The following KITLG variants were observed in gnomAD, a reference collection of about 807,000 sequenced individuals.
The protein encoded by KITLG is c-Kit ligand.
Under a neutral mutation model 34.1 loss-of-function variants are expected in KITLG, and 13 were observed. The observed-to-expected ratio is 0.38, with a 90% CI of 0.25 to 0.61. The LOEUF (loss-of-function observed/expected upper bound fraction) is 0.61. Ranked by LOEUF, KITLG falls within the 20% of genes least tolerant of loss-of-function variation. The probability of loss-of-function intolerance (pLI) is 0.60; values close to 1 mark genes in which losing one functional copy is unlikely to be tolerated. For synonymous variants in KITLG, 110 were observed against 104.0 expected (o/e 1.06, Z -0.35); for missense variants, 292 against 318.9 (o/e 0.92, Z 0.64).
chr12:88,517,079 G>A (rs2120836971), intron 4 of KITLG, among the ~76,000 whole-genome samples: 1 of 151,850 alleles, frequency 6.6e-6, no homozygotes, highest in African/African-American at 2.4e-5. Context: ...ATATAAAAAA[G>A]TTTTTTTGCA....
intron 1 of KITLG, among the ~76,000 whole-genome samples, chr12:88,546,786 C>T (rs1429578404): frequency 3.9e-5 from 6 of 152,150 alleles, no homozygotes; most frequent in Admixed American, 2.0e-4. Context: ...ACAGGAACAA[C>T]GCCAGTCACT....
intron 3 of KITLG, among the ~76,000 whole-genome samples, chr12:88,528,863 A>T (rs1289689692): frequency 6.6e-6 from 1 of 152,224 alleles, no homozygotes; most frequent in Admixed American, 6.6e-5. Context: ...ATTATTTGCA[A>T]ATAAAAAACT....
chr12:88,560,103 GTGA>G (rs775728230), intron 1 of KITLG, among the ~76,000 whole-genome samples: 24 of 152,180 alleles, frequency 1.6e-4, no homozygotes, highest in African/African-American at 4.6e-4. Flanking sequence ...CAGTTTTCTT[GTGA>G]TGATAACATG....
At chr12:88,521,704 A>G (rs1869671107) in intron 3 of KITLG, among the ~76,000 whole-genome samples, 1 of 152,192 alleles carries the variant, frequency 6.6e-6, no homozygotes, top group African/African-American at 2.4e-5. Flanking sequence ...ATGTAATTTG[A>G]TGCTTTATTC....
chr12:88,555,061 A>G (rs1262722040), intron 1 of KITLG, among the ~76,000 whole-genome samples: 3 of 152,294 alleles, frequency 2.0e-5, no homozygotes, highest in Non-Finnish European at 2.9e-5. Flanking sequence ...TATGTAATGA[A>G]TATGCTCTTA....
At chr12:88,563,489 T>G (rs529136082) in intron 1 of KITLG, among the ~76,000 whole-genome samples, 1 of 152,134 alleles carries the variant, frequency 6.6e-6, no homozygotes, top group Non-Finnish European at 1.5e-5. Context: ...CATGAGCTGA[T>G]TCAATGACAC....
chr12:88,503,021 T>A (rs1200185686), intron 9 of KITLG, among the ~76,000 whole-genome samples: 1 of 152,048 alleles, frequency 6.6e-6, no homozygotes, highest in African/African-American at 2.4e-5. Context: ...ATAAAAAGTG[T>A]CAAGCAAACG....
intron 1 of KITLG, among the ~76,000 whole-genome samples, chr12:88,573,753 T>TG (rs1412413214): frequency 1.3e-5 from 2 of 152,226 alleles, no homozygotes; most frequent in Non-Finnish European, 2.9e-5. Flanking sequence ...AATTATGCAG[T>TG]GGGGATGCCC....
At chr12:88,520,643 T>C (rs1274134908) in intron 3 of KITLG, among the ~76,000 whole-genome samples, 1 of 152,186 alleles carries the variant, frequency 6.6e-6, no homozygotes, top group Non-Finnish European at 1.5e-5. Context: ...GTTTCTGTGG[T>C]AGTTGTCTTA....
chr12:88,557,602 T>C (rs2120943114), intron 1 of KITLG, among the ~76,000 whole-genome samples: 1 of 152,218 alleles, frequency 6.6e-6, no homozygotes, highest in South Asian at 2.1e-4. Flanking sequence ...AACTATCACG[T>C]CTGGAAAACT....
chr12:88,550,332 T>C (rs1376027090), intron 1 of KITLG, among the ~76,000 whole-genome samples: 1 of 152,088 alleles, frequency 6.6e-6, no homozygotes, highest in Admixed American at 6.5e-5. Flanking sequence ...CAATTGGCAA[T>C]ATAGGTCAGA....
chr12:88,534,615 C>T (rs972768526), intron 2 of KITLG: 1 of 478,786 alleles, frequency 2.1e-6, no homozygotes, highest in East Asian at 6.0e-5. Context: ...GATCTGCCTG[C>T]CTTGGCCTCC....
At chr12:88,553,664 A>G (rs1773720940) in intron 1 of KITLG, among the ~76,000 whole-genome samples, 1 of 152,144 alleles carries the variant, frequency 6.6e-6, no homozygotes, top group African/African-American at 2.4e-5. Context: ...CCCCCACAAC[A>G]CACAAAATTC....
intron 1 of KITLG, among the ~76,000 whole-genome samples, chr12:88,564,572 CCA>C (rs1871385925): frequency 1.3e-5 from 2 of 152,092 alleles, no homozygotes; most frequent in South Asian, 2.1e-4. Flanking sequence ...TCATTGCTCA[CCA>C]TTTGTGTGTT....
chr12:88,535,483 G>A (rs370994271), intron 2 of KITLG, among the ~76,000 whole-genome samples: 7 of 152,254 alleles, frequency 4.6e-5, no homozygotes, highest in Admixed American at 4.6e-4. Flanking sequence ...GTATCCCCAA[G>A]GTACACGCAT....
intron 1 of KITLG, among the ~76,000 whole-genome samples, chr12:88,552,319 T>G (rs1474658063): frequency 6.6e-6 from 1 of 151,522 alleles, no homozygotes; most frequent in Non-Finnish European, 1.5e-5. Context: ...GGATTATAGG[T>G]GCCTGCCACC....
chr12:88,580,128 C>T (rs1203067885), intron 1 of KITLG, 136 bp downstream of exon 1: 1 of 943,982 alleles, frequency 1.1e-6, no homozygotes, highest in South Asian at 1.4e-5. Context: ...CGGCCTCCCC[C>T]GCATCCTCTT....
In KITLG at chr12:88,560,964, T is replaced by C. The variant is rs543828645; in HGVS notation, c.16-15099A>G. Among the ~76,000 whole-genome samples the C allele has an allele frequency of 3.5e-4, 26 of 73,746 alleles. 1 individual carries two copies. In the South Asian group the frequency reaches 0.016, roughly 45 times the overall value. 48.4% of individuals were successfully genotyped at this position (73,746 alleles called of 152,430 possible). A position where few individuals can be genotyped will look rare whatever the true frequency, so the allele number is the denominator to read the frequency against. ...GCCTGGGTAACAAAGCGAGACTCTG[T>C]CTCAAAAAAAAAAAAAAAAAAAAAA... On this transcript the variant is annotated intron_variant, in intron 1 of 9. Coordinates refer to ENST00000644744, the MANE Select transcript of KITLG (RefSeq NM_000899.5).
At chr12:88,557,670 ACT>A (rs1436439365) in intron 1 of KITLG, among the ~76,000 whole-genome samples, 1 of 152,050 alleles carries the variant, frequency 6.6e-6, no homozygotes, top group African/African-American at 2.4e-5. Context: ...TCTACCGCCA[ACT>A]CTCTGCAATA....
Sources: allele counts gnomAD v4.1 joint callset (sites outside exome capture counted in the v4.1 genomes callset), GRCh38; gene constraint gnomAD v4.1.1; transcripts MANE v1.5; gene names NCBI Gene and HGNC (gene_info 2026-07-23, HGNC 2026-07-21).